The following APBA2 variants were observed in gnomAD, a reference collection of about 807,000 sequenced individuals.
APBA2 encodes the protein amyloid-beta A4 precursor protein-binding family A member 2.
A neutral mutation model predicts 75.0 loss-of-function variants in APBA2; 30 were observed. The observed-to-expected ratio is 0.40, with a 90% confidence interval of 0.30 to 0.54. The LOEUF (loss-of-function observed/expected upper bound fraction) is 0.54, where lower values mean the gene tolerates loss of function less well. APBA2 is among the 20% of genes least tolerant of loss of function. APBA2 has a pLI of 0.49. For missense variants in APBA2, 801 were observed against 1,016.1 expected, an observed-to-expected ratio of 0.79 and a Z score of 2.88; for synonymous variants, 444 against 409.6, an observed-to-expected ratio of 1.08 and a Z score of -1.01.
chr15:28,887,319 T>C (rs1386415740), intron 1 of APBA2, among the ~76,000 whole-genome samples: 1 of 152,208 alleles, frequency 6.6e-6, no homozygotes, highest in Non-Finnish European at 1.5e-5. Flanking sequence ...GTTTTTGTTT[T>C]TGTTTTATTT....
chr15:29,070,344 G>A (rs540859729), intron 4 of APBA2, among the ~76,000 whole-genome samples: 3 of 152,300 alleles, frequency 2.0e-5, no homozygotes, highest in East Asian at 3.9e-4. Flanking sequence ...TCTGGATACC[G>A]GGATGCAGGA....
At chr15:29,033,409 C>G (rs1042262197) in intron 3 of APBA2, among the ~76,000 whole-genome samples, 11 of 152,150 alleles carry the variant, frequency 7.2e-5, no homozygotes, top group African/African-American at 2.4e-4. Context: ...TCAAAACCTG[C>G]TTCCTCAACT....
intron 3 of APBA2, among the ~76,000 whole-genome samples, chr15:29,052,454 CAAA>C (rs61521872): frequency 9.7e-6 from 1 of 103,186 alleles, no homozygotes; most frequent in Non-Finnish European, 1.8e-5. Context: ...GACTCCATCT[CAAA>C]AAAAAAAAAA....
chr15:28,923,288 G>C (rs1394761113), intron 2 of APBA2, among the ~76,000 whole-genome samples: 2 of 152,088 alleles, frequency 1.3e-5, no homozygotes, highest in Admixed American at 6.5e-5. Flanking sequence ...TCTTCCTCTG[G>C]ATTTATCTCC....
chr15:29,116,153 C>T (rs1298367902), intron 14 of APBA2, among the ~76,000 whole-genome samples: 5 of 152,154 alleles, frequency 3.3e-5, no homozygotes, highest in African/African-American at 1.2e-4. Flanking sequence ...GGTTGGTCTC[C>T]CTGGGGCGGT....
intron 1 of APBA2, among the ~76,000 whole-genome samples, chr15:28,909,970 C>T (rs747865388): frequency 6.6e-6 from 1 of 152,044 alleles, no homozygotes; most frequent in Non-Finnish European, 1.5e-5. Context: ...CCGGGGAGGT[C>T]GTGGCTTGCA....
In APBA2 at chr15:28,959,345, C is replaced by T. The variant is rs182328870; in HGVS notation, c.-94-36408C>T. On this transcript the variant is annotated intron_variant, in intron 2 of 14. Transcript: ENST00000683413. ...AAATTCATGTGTTGAAATCTTCACC[C>T]CCAGGACCTCAGAATGTGACTGTAT... is the stretch of plus-strand genomic sequence containing the variant. 5.6e-4 allele frequency among the ~76,000 whole-genome samples: 85 copies of T among 152,290 alleles called. No individual in the cohort carries two copies. In the East Asian group the frequency reaches 9.5e-3, roughly 17 times the overall value.
intron 1 of APBA2, among the ~76,000 whole-genome samples, chr15:28,915,122 CACTTAACCCATATAT>C: frequency 2.7e-5 from 3 of 112,386 alleles, no homozygotes; most frequent in Admixed American, 8.7e-5. Context: ...ACACACCACA[CACTTAACCCATATAT>C]ACCACACACA....
rs537967338 is a variant in APBA2 at position 28,994,545 on chromosome 15, C to T, written c.-94-1208C>T. On this transcript the variant is annotated intron_variant, in intron 2 of 14. Transcript: ENST00000683413. Reference sequence around the variant, plus strand: ...GGTTACGGCTCTGCAGCTCCCTTAACGGGTAGCTTGTTCAACATGGAAACA... The same window carrying T: ...GGTTACGGCTCTGCAGCTCCCTTAATGGGTAGCTTGTTCAACATGGAAACA... 1.6e-4 allele frequency among the ~76,000 whole-genome samples: 25 copies of T among 152,256 alleles called. No homozygotes were observed. In the South Asian group the frequency reaches 3.9e-3, roughly 24 times the overall value.
intron 4 of APBA2, among the ~76,000 whole-genome samples, chr15:29,057,018 GC>G (rs2041930351): frequency 6.6e-6 from 1 of 152,114 alleles, no homozygotes; most frequent in Non-Finnish European, 1.5e-5. Flanking sequence ...GCCAGGCCGT[GC>G]CAGGAGCCAA....
chr15:28,965,568 G>T (rs1036320148), intron 2 of APBA2, among the ~76,000 whole-genome samples: 1 of 152,166 alleles, frequency 6.6e-6, no homozygotes, highest in East Asian at 1.9e-4. Context: ...AGGCAGAATC[G>T]ACCTTTTAAC....
chr15:29,049,845 A>C (rs1020833523), intron 3 of APBA2, among the ~76,000 whole-genome samples: 1 of 152,210 alleles, frequency 6.6e-6, no homozygotes, highest in Non-Finnish European at 1.5e-5. Flanking sequence ...ACACAGAAAA[A>C]AATGTGAAAT....
chr15:29,073,032 G>A (rs2042693480), intron 4 of APBA2, among the ~76,000 whole-genome samples: 1 of 152,210 alleles, frequency 6.6e-6, no homozygotes, highest in South Asian at 2.1e-4. Flanking sequence ...CTGTGATCCT[G>A]GAGGGGAGGC....
chr15:28,942,441 T>TTGTC (rs145378063), intron 2 of APBA2, among the ~76,000 whole-genome samples: 27,960 of 152,130 alleles, frequency 0.18, 3,819 homozygotes, highest in African/African-American at 0.39. Flanking sequence ...TGGGAATAGT[T>TTGTC]TGATGATTCC....
chr15:28,964,885 T>C (rs760733323), intron 2 of APBA2, among the ~76,000 whole-genome samples: 2 of 152,154 alleles, frequency 1.3e-5, no homozygotes, highest in African/African-American at 2.4e-5. Flanking sequence ...AGGTACGTGA[T>C]TTGCAAATAA....
intron 1 of APBA2, among the ~76,000 whole-genome samples, chr15:28,897,979 A>G (rs1336640974): frequency 2.0e-5 from 3 of 152,194 alleles, no homozygotes; most frequent in African/African-American, 7.2e-5. Context: ...GCCATCCTCA[A>G]GGATCGTATA....
chr15:28,956,047 G>A (rs897207304), intron 2 of APBA2, among the ~76,000 whole-genome samples: 6 of 152,198 alleles, frequency 3.9e-5, no homozygotes, highest in Admixed American at 2.6e-4. Flanking sequence ...CATCACATCC[G>A]GTCCAGCTCT....
chr15:28,896,190 C>T (rs2032474831), intron 1 of APBA2, among the ~76,000 whole-genome samples: 1 of 152,122 alleles, frequency 6.6e-6, no homozygotes, highest in Admixed American at 6.5e-5. Context: ...TGTGAGTAGA[C>T]CTTTCTGTCA....
At chr15:29,074,045 G>A (rs928603740) in intron 4 of APBA2, among the ~76,000 whole-genome samples, 3 of 152,002 alleles carry the variant, frequency 2.0e-5, no homozygotes, top group Non-Finnish European at 4.4e-5. Context: ...CTCTTGGTGG[G>A]AACGTAAATA....
Sources: gnomAD v4.1 joint callset for allele counts (sites outside exome capture counted in the v4.1 genomes callset) on GRCh38, gnomAD v4.1.1 for gene constraint, MANE v1.5 for transcripts, NCBI Gene and HGNC (gene_info 2026-07-23, HGNC 2026-07-21) for gene names.